Variants in PCDHGA6 observed in about 807,000 individuals in gnomAD.
The protein encoded by PCDHGA6 is protocadherin gamma subfamily A, 6, also known as protocadherin gamma-A6.
A neutral mutation model predicts 60.6 loss-of-function variants in PCDHGA6; 41 were observed. The observed-to-expected ratio is 0.68, with a 90% confidence interval of 0.53 to 0.88. The LOEUF (loss-of-function observed/expected upper bound fraction) is 0.88. Among genes scored for constraint, PCDHGA6 ranks in the 40% least tolerant of loss-of-function variants. PCDHGA6 has a pLI of 0.00. For missense variants in PCDHGA6, 1,312 were observed against 1,203.0 expected (o/e 1.09, Z -1.34); for synonymous variants, 594 against 524.4 (o/e 1.13, Z -1.81).
At chr5:141,507,831 T>C (rs2099864030) in intron 3 of PCDHGA6, among the ~76,000 whole-genome samples, 1 of 152,134 alleles carries the variant, frequency 6.6e-6, no homozygotes, top group African/African-American at 2.4e-5. Context: ...GTGGAGGTGG[T>C]GGGTCAGGCC....
Position 141,489,120 on chromosome 5 carries a change from G to T in PCDHGA6, c.2425-5687G>T. On this transcript the variant is annotated intron_variant, in intron 1 of 3. Coordinates refer to ENST00000517434, the MANE Select transcript of PCDHGA6 (RefSeq NM_018919.3). The surrounding 1 kb of genome is among the most constrained non-coding windows in gnomAD (Gnocchi z 4.5). Reference sequence around the variant, plus strand: ...AACTGCTGCAAGCAGGCAAACCTCCGAGCAGTTTTTAAGAGGCTGGAAGGA... The same window carrying T: ...AACTGCTGCAAGCAGGCAAACCTCCTAGCAGTTTTTAAGAGGCTGGAAGGA... 2.2e-6 allele frequency: 1 copy of T among 445,672 alleles called. No individual in the cohort carries two copies. The highest frequency in any genetic ancestry group is 3.8e-6 in the Non-Finnish European group (1 of 264,754). The allele number at this position is 445,672 out of a possible 1,614,324, so 27.6% of individuals were successfully genotyped here.
intron 1 of PCDHGA6, chr5:141,403,939 G>C: frequency 6.2e-7 from 1 of 1,613,852 alleles, no homozygotes; most frequent in Non-Finnish European, 8.5e-7. Context: ...GATTGAAAGG[G>C]TGGACAAAAG....
intron 1 of PCDHGA6, chr5:141,395,373 G>A (rs2150613921): frequency 1.7e-6 from 2 of 1,189,412 alleles, no homozygotes; most frequent in African/African-American, 3.1e-5. Context: ...TATTTTGGTG[G>A]TGTTACTATA....
chr5:141,421,736 G>A lies in PCDHGA6; in HGVS notation c.2424+45229G>A, dbSNP rs767237323. 5.3e-5 allele frequency: 86 copies of A among 1,613,810 alleles called. No individual in the cohort carries two copies. The highest frequency in any genetic ancestry group is 6.9e-5 in the Non-Finnish European group (82 of 1,179,858). Reference sequence around the variant, plus strand: ...GATGTGGGCGTGAACTCCCTCCAGAGCTACCAGCTCAGCCCTAATAATTAC... The same window carrying A: ...GATGTGGGCGTGAACTCCCTCCAGAACTACCAGCTCAGCCCTAATAATTAC... On this transcript the variant is annotated intron_variant, in intron 1 of 3. Transcript: ENST00000517434.
intron 1 of PCDHGA6, chr5:141,395,547 TGTGTGTGTGTGTGTGTGTGTGTGTGTG>T: frequency 5.8e-6 from 1 of 173,894 alleles, no homozygotes; most frequent in Non-Finnish European, 1.2e-5. Flanking sequence ...ATTGTTTGTG[TGTGTGTGTGTGTGTGTGTGTGTGTGTG>T]TGTGTGTGTG....
At chr5:141,468,783 G>A (rs908838744) in intron 1 of PCDHGA6, among the ~76,000 whole-genome samples, 7 of 151,460 alleles carry the variant, frequency 4.6e-5, no homozygotes, top group South Asian at 2.1e-4. Context: ...GGAGAATGGC[G>A]TGAACCCGGG....
In PCDHGA6 at chr5:141,398,855, A is replaced by G. The variant is rs1376506270; in HGVS notation, c.2424+22348A>G. ...GCCAATGATAATCCCCCGGTATTCA[A>G]CCGAGACGTGTACAGAGTCAGCCTT... On this transcript the variant is annotated intron_variant, in intron 1 of 3. Coordinates refer to ENST00000517434, the MANE Select transcript of PCDHGA6 (RefSeq NM_018919.3). 2.5e-6 allele frequency: 4 copies of G among 1,613,852 alleles called. No individual in the cohort carries two copies. The African/African-American group carries it at 5.3e-5, about 22-fold the overall frequency.
In PCDHGA6 at chr5:141,374,906, G is replaced by A. The variant is rs1200666906; in HGVS notation, c.823G>A (p.Gly275Arg). 3.1e-6 allele frequency: 5 copies of A among 1,613,650 alleles called. No homozygotes were observed. The highest frequency in any genetic ancestry group is 2.2e-5 in the South Asian group (2 of 91,080). The change falls in exon 1 of 4, where the codon GGG (glycine) becomes AGG (arginine). Residue 275 changes from glycine (G) to arginine (R), a missense_variant. Transcript: ENST00000517434. ...CACCGACCAGGATGAAGGAGTCCAC[G>A]GGGAAGTAACTTATTCCTTTGTGAA... ...TATDQDEGVH[G>R]EVTYSFVKIT...
chr5:141,393,110 C>T, intron 1 of PCDHGA6: 10 of 1,613,496 alleles, frequency 6.2e-6, no homozygotes, highest in Non-Finnish European at 8.5e-6. Flanking sequence ...GCGCTCAGAG[C>T]CCGCGGTGTC....
chr5:141,390,041 C>T (rs373243233), intron 1 of PCDHGA6: 2 of 1,614,058 alleles, frequency 1.2e-6, no homozygotes, highest in Non-Finnish European at 1.7e-6. Context: ...CCTCCAGCCC[C>T]GCCTCCTGGA....
intron 1 of PCDHGA6, among the ~76,000 whole-genome samples, chr5:141,467,109 A>G (rs1431550069): frequency 2.0e-5 from 3 of 150,594 alleles, no homozygotes; most frequent in African/African-American, 4.9e-5. Context: ...CTGGAGTACA[A>G]TGGTGCAATC....
intron 1 of PCDHGA6, chr5:141,428,211 C>A: frequency 7.8e-7 from 1 of 1,284,316 alleles, no homozygotes; most frequent in Non-Finnish European, 1.1e-6. Context: ...CTACGCTTCA[C>A]CTAGTCTTCG....
intron 1 of PCDHGA6, among the ~76,000 whole-genome samples, chr5:141,448,700 G>A (rs2098601460): frequency 6.6e-6 from 1 of 152,106 alleles, no homozygotes; most frequent in African/African-American, 2.4e-5. Context: ...CAGCACTTTG[G>A]GAGGCCGAGG....
Position 141,489,765 on chromosome 5 carries a change from C to A in PCDHGA6, c.2425-5042C>A. On this transcript the variant is annotated intron_variant, in intron 1 of 3. Transcript: ENST00000517434. The surrounding 1 kb of genome is among the most constrained non-coding windows in gnomAD (Gnocchi z 4.5). ...TGAGCTTTTACACTCTAAGCCCCAA[C>A]AGCCACTTCTCTCTGAATGTGAAGA... 2.5e-6 allele frequency: 4 copies of A among 1,614,174 alleles called. No individual in the cohort carries two copies. The highest frequency in any genetic ancestry group is 3.4e-6 in the Non-Finnish European group (4 of 1,179,992).
intron 3 of PCDHGA6, among the ~76,000 whole-genome samples, chr5:141,507,714 C>T (rs1425955843): frequency 6.6e-6 from 1 of 152,280 alleles, no homozygotes; most frequent in Non-Finnish European, 1.5e-5. Flanking sequence ...GCCCCAAACC[C>T]TCCAAGCAAG....
chr5:141,427,710 G>T, intron 1 of PCDHGA6: 2 of 1,033,628 alleles, frequency 1.9e-6, no homozygotes, highest in South Asian at 2.6e-5. Context: ...CAGCGCCTCT[G>T]ACCTGGACCT....
intron 1 of PCDHGA6, chr5:141,384,001 CT>C (rs752837795): frequency 6.2e-7 from 1 of 1,613,828 alleles, no homozygotes; most frequent in South Asian, 1.1e-5. Context: ...AGTCATTGCT[CT>C]TTTCTACCTA....
chr5:141,502,470 G>A (rs1017558920), intron 2 of PCDHGA6, among the ~76,000 whole-genome samples: 5 of 150,916 alleles, frequency 3.3e-5, no homozygotes, highest in Admixed American at 2.6e-4. Flanking sequence ...AATACTTCCC[G>A]CAGCATCACA....
At chr5:141,428,836 C>T (rs926107154) in intron 1 of PCDHGA6, 1 of 150,686 alleles carries the variant, frequency 6.6e-6, no homozygotes, top group African/African-American at 2.5e-5. Context: ...ATTTTTGAAA[C>T]ATTTTCACCA....
Sources: allele counts gnomAD v4.1 joint callset (sites outside exome capture counted in the v4.1 genomes callset), GRCh38; gene constraint gnomAD v4.1.1; non-coding constraint Gnocchi (gnomAD v3.1); transcripts MANE v1.5; gene names NCBI Gene and HGNC (gene_info 2026-07-23, HGNC 2026-07-21).